NRDC: variants seen among roughly 807,000 people sequenced by gnomAD.
NRDC encodes the protein nardilysin convertase.
NRDC carries 54 observed loss-of-function variants against 147.1 expected under a neutral mutation model. The observed-to-expected ratio is 0.37, with a 90% confidence interval of 0.29 to 0.46. NRDC has a LOEUF of 0.46. Among genes scored for constraint, NRDC ranks in the 20% least tolerant of loss-of-function variants. NRDC has a pLI of 1.00. For synonymous variants in NRDC, 440 were observed against 482.1 expected (o/e 0.91, Z 1.14); for missense variants, 1,082 against 1,370.6 (o/e 0.79, Z 3.33).
chr1:51,867,272 A>C (rs1337468142), intron 1 of NRDC, among the ~76,000 whole-genome samples: 1 of 152,244 alleles, frequency 6.6e-6, no homozygotes, highest in African/African-American at 2.4e-5. Flanking sequence ...CAAGACTTTA[A>C]AACAGGCACT....
At chr1:51,828,237 A>ACCTAT (rs1680532316) in intron 4 of NRDC, among the ~76,000 whole-genome samples, 1 of 152,180 alleles carries the variant, frequency 6.6e-6, no homozygotes, top group South Asian at 2.1e-4. Context: ...TTTTCTTTAT[A>ACCTAT]GTTTTATTAC....
intron 1 of NRDC, among the ~76,000 whole-genome samples, chr1:51,873,132 A>T (rs1683160877): frequency 6.7e-6 from 1 of 150,194 alleles, no homozygotes; most frequent in African/African-American, 2.5e-5. Context: ...TTCATTGTAA[A>T]TATCAACAAA....
At position 51,878,368 on chromosome 1, in the gene NRDC, G is replaced by A. The variant is rs1463406431; in HGVS notation, c.248C>T (p.Ala83Val). 5.0e-6 allele frequency: 8 copies of A among 1,614,130 alleles called. No homozygotes were observed. Among genetic ancestry groups the A allele is most frequent in the East Asian group, 2.2e-5 (1 of 44,870 alleles). The change falls in exon 1 of 31, where the codon GCG (alanine) becomes GTG (valine). Residue 83 changes from alanine (A) to valine (V), a missense_variant. Transcript: ENST00000352171. ...GENSRVARLG[A>V]DESEEEGRRG... ...CCGTCCCTCTTCCTCAGATTCATCC[G>A]CTCCTAGACGGGCAACCCGGCTGTT...
At chr1:51,818,655 AGTTT>A (rs1380668443) in intron 9 of NRDC, among the ~76,000 whole-genome samples, 4 of 152,238 alleles carry the variant, frequency 2.6e-5, no homozygotes, top group African/African-American at 9.6e-5. Flanking sequence ...GGAAAGAGTT[AGTTT>A]AATATTAACA....
intron 7 of NRDC, among the ~76,000 whole-genome samples, chr1:51,821,831 T>C (rs1410875446): frequency 6.6e-6 from 1 of 152,118 alleles, no homozygotes; most frequent in African/African-American, 2.4e-5. Flanking sequence ...ATCTTTAGCA[T>C]TAGGCTAGTG....
rs950077192 is a variant in NRDC, at chr1:51,837,405, A to G, written c.631-1193T>C. On this transcript the variant is annotated intron_variant, in intron 2 of 30. Transcript: ENST00000352171. ...CCCATTTTGAAGACTTAGGCACATAAACTCAGTTAAAACATTGGGGAATAT... is the reference window on the plus strand; with the variant it reads ...CCCATTTTGAAGACTTAGGCACATAGACTCAGTTAAAACATTGGGGAATAT... 2.4e-5 allele frequency: 31 copies of G among 1,301,882 alleles called. No individual in the cohort carries two copies. In the South Asian group the frequency reaches 2.9e-4, roughly 12 times the overall value. 80.6% of individuals were successfully genotyped at this position (1,301,882 alleles called of 1,614,324 possible).
In NRDC at chr1:51,814,031, G is replaced by T; in HGVS notation, c.1674+4C>A. 1 of 1,588,042 alleles carries T rather than the reference G, an allele frequency of 6.3e-7. No homozygotes were observed. The highest frequency in any genetic ancestry group is 8.6e-7 in the Non-Finnish European group (1 of 1,158,412). ...ACATGCAAAAAGAATTTGACTTCCAGTACCTGTTCTTGGTAATGAAATTCA... is the reference window on the plus strand; with the variant it reads ...ACATGCAAAAAGAATTTGACTTCCATTACCTGTTCTTGGTAATGAAATTCA... On this transcript the variant is annotated splice_donor_region_variant and intron_variant, in intron 14 of 30. Coordinates refer to ENST00000352171, the MANE Select transcript of NRDC (RefSeq NM_001101662.2).
intron 1 of NRDC, among the ~76,000 whole-genome samples, chr1:51,868,758 G>C (rs1044307350): frequency 6.6e-6 from 1 of 151,996 alleles, no homozygotes; most frequent in Non-Finnish European, 1.5e-5. Context: ...TGTCGTCCCA[G>C]CTACTCAAGG....
In NRDC at chr1:51,814,823, G is replaced by A. The variant is rs772892713; in HGVS notation, c.1440-10C>T. The A allele has an allele frequency of 3.8e-6, 6 of 1,563,058 alleles. No homozygotes were observed. In the East Asian group the frequency reaches 1.3e-4, roughly 35 times the overall value. On this transcript the variant is annotated splice_polypyrimidine_tract_variant and intron_variant, in intron 11 of 30. Coordinates refer to ENST00000352171, the MANE Select transcript of NRDC (RefSeq NM_001101662.2). ...TGCAAGAGCCCAGCATCTACAGGTG[G>A]GGAAAAAATTAACCCAATCAATGTT...
chr1:51,870,803 T>C (rs1452184807), intron 1 of NRDC, among the ~76,000 whole-genome samples: 1 of 147,888 alleles, frequency 6.8e-6, no homozygotes, highest in African/African-American at 2.4e-5. Context: ...TAATTAATAA[T>C]TACTAATACT....
intron 9 of NRDC, among the ~76,000 whole-genome samples, 196 bp downstream of exon 9, chr1:51,819,604 G>C (rs1680123001): frequency 6.6e-6 from 1 of 152,156 alleles, no homozygotes; most frequent in African/African-American, 2.4e-5. Flanking sequence ...CAGGGCACCA[G>C]AATCAATCGA....
At chr1:51,814,642 TAA>T (rs1386809348) in intron 12 of NRDC, 33 bp from the exon 13 acceptor site, 4 of 1,609,140 alleles carry the variant, frequency 2.5e-6, no homozygotes, top group Non-Finnish European at 3.4e-6. Flanking sequence ...GTCTTTTGCA[TAA>T]AGTGATATCT....
At position 51,840,347 on chromosome 1, in the gene NRDC, T is replaced by A. The variant is rs753752054; in HGVS notation, c.509A>T (p.Glu170Val). The change falls in exon 2 of 31, where the codon GAG becomes GTG. Residue 170 changes from glutamate to valine, a missense_variant. Physicochemically the swap from Glu to Val is moderately radical, Grantham distance 121. Transcript: ENST00000352171. ...SGAEIEDDDE[E>V]GFDDEDEFDD... ...AAACTCATCTTCATCATCAAAACCC[T>A]CTTCATCGTCATCTTCTATTTCAGC... is the stretch of plus-strand genomic sequence containing the variant. 9 of 1,529,834 alleles carry A rather than the reference T, an allele frequency of 5.9e-6. No individual in the cohort carries two copies. The highest frequency in any genetic ancestry group is 8.2e-6 in the Non-Finnish European group (9 of 1,103,878). 94.8% of individuals were successfully genotyped at this position (1,529,834 alleles called of 1,614,324 possible).
rs759554504 is a variant in NRDC at position 51,790,547 on chromosome 1, G to A, written c.3154C>T (p.Arg1052Cys). Residue 1052 changes from arginine to cysteine, a missense_variant, in exon 29 of 31, where the codon CGC becomes TGC. Around this residue, in one of 3 missense-constraint regions of NRDC, gnomAD observed 187 missense variants for 193.6 expected, o/e 0.97. Transcript: ENST00000352171. Reference protein sequence around the residue: ...EVVTQQYLFDRLAHEIEALKS... With the variant: ...EVVTQQYLFDCLAHEIEALKS... ...AACCATGTTACCTCGTGGGCAAGGC[G>A]GTCAAAGAGGTACTGCTGTGTAACC... 9 of 1,611,584 alleles carry A rather than the reference G, an allele frequency of 5.6e-6. No homozygotes were observed. The highest frequency in any genetic ancestry group is 2.2e-5 in the East Asian group (1 of 44,886).
chr1:51,792,114 C>T lies in NRDC; in HGVS notation c.2824-16G>A, dbSNP rs373766186. ...CCATGTGCATCTGTAATTCAACATA[C>T]TGCCCATCAGCCCAACTCCTCCCAG... On this transcript the variant is annotated splice_polypyrimidine_tract_variant and intron_variant, in intron 25 of 30. Transcript: ENST00000352171. 8.6e-5 allele frequency: 139 copies of T among 1,613,498 alleles called. No homozygotes were observed. The highest frequency in any genetic ancestry group is 1.1e-4 in the Non-Finnish European group (134 of 1,179,956).
chr1:51,835,262 T>C (rs1250549521), intron 3 of NRDC, among the ~76,000 whole-genome samples: 1 of 151,888 alleles, frequency 6.6e-6, no homozygotes, highest in Admixed American at 6.6e-5. Flanking sequence ...AGTTTCACCA[T>C]GTTGGCCAGG....
intron 18 of NRDC, 41 bp from the exon 19 acceptor site, chr1:51,805,602 TC>T (rs1679427072): frequency 7.9e-7 from 1 of 1,270,694 alleles, no homozygotes; most frequent in Non-Finnish European, 1.1e-6. Context: ...GTTAGGGGCC[TC>T]AGATATTTTA....
At chr1:51,853,314 A>G (rs1571907931) in intron 1 of NRDC, among the ~76,000 whole-genome samples, 1 of 151,140 alleles carries the variant, frequency 6.6e-6, no homozygotes, top group Non-Finnish European at 1.5e-5. Context: ...AAATAATGAG[A>G]CTCTGCCTCT....
intron 24 of NRDC, among the ~76,000 whole-genome samples, chr1:51,792,671 G>A (rs976410735): frequency 2.0e-5 from 3 of 152,166 alleles, no homozygotes; most frequent in African/African-American, 7.2e-5. Flanking sequence ...AAACAAAGGT[G>A]AGATTAATAA....
Sources: allele counts gnomAD v4.1 joint callset (sites outside exome capture counted in the v4.1 genomes callset), GRCh38; gene constraint gnomAD v4.1.1; regional missense constraint gnomAD v4.1.1; transcripts MANE v1.5; gene names NCBI Gene and HGNC (gene_info 2026-07-23, HGNC 2026-07-21).